The following DPM2 variants were observed in gnomAD, a reference collection of about 807,000 sequenced individuals.
DPM2 encodes dolichyl-phosphate mannosyltransferase subunit 2, regulatory, also known as dolichol phosphate-mannose biosynthesis regulatory protein.
DPM2 carries 8 observed loss-of-function variants against 12.1 expected under a neutral mutation model. The ratio of observed to expected loss-of-function variants is 0.66; its 90% confidence interval spans 0.39 to 1.19. DPM2 has a LOEUF of 1.19. Ranked by LOEUF, DPM2 falls within the 50% of genes most tolerant of loss-of-function variation. DPM2 has a pLI of 0.01. For missense variants in DPM2, 93 were observed against 102.5 expected (o/e 0.91, Z 0.40); for synonymous variants, 38 against 44.7 (o/e 0.85, Z 0.60).
In DPM2 at chr9:127,935,608, C is replaced by T; in HGVS notation, c.*114G>A. 1.9e-6 allele frequency: 2 copies of T among 1,066,888 alleles called. No homozygotes were observed. The highest frequency in any genetic ancestry group is 2.8e-6 in the Non-Finnish European group (2 of 708,778). 66.1% of individuals were successfully genotyped at this position (1,066,888 alleles called of 1,614,324 possible). On this transcript the variant is annotated 3_prime_UTR_variant, in exon 4 of 4. Transcript: ENST00000314392. ...TCCATGCCATGGGGACTCTGCAGGACAGGCAGGCTTGAGGAGCCACTGTGC... is the reference window on the plus strand; with the variant it reads ...TCCATGCCATGGGGACTCTGCAGGATAGGCAGGCTTGAGGAGCCACTGTGC...
intron 1 of DPM2, 113 bp from the exon 2 acceptor site, chr9:127,937,636 G>T: frequency 8.2e-7 from 1 of 1,220,084 alleles, no homozygotes; most frequent in Non-Finnish European, 1.2e-6. Flanking sequence ...ACAGATGGTA[G>T]AGGGCTGACT....
rs117545380 is a variant in DPM2 at position 127,936,155 on chromosome 9, C to T, written c.197-375G>A. 8,628 of 899,208 alleles carry T rather than the reference C, an allele frequency of 9.6e-3. 61 individuals are homozygous for T. The highest frequency in any genetic ancestry group is 0.012 in the Non-Finnish European group (7,488 of 616,702). 55.7% of individuals were successfully genotyped at this position (899,208 alleles called of 1,614,324 possible). On this transcript the variant is annotated intron_variant, in intron 3 of 3. Coordinates refer to ENST00000314392, the MANE Select transcript of DPM2 (RefSeq NM_003863.4). ...CATCATCCAGGCACCCGGCTGTTGA[C>T]TGACTCATCCAAATGACTTTCTGAG... is the stretch of plus-strand genomic sequence containing the variant.
chr9:127,936,830 TTATTGGTATTTACCGGGCACTTGCTTTGG>T (rs1831513997), intron 2 of DPM2, 175 bp from the exon 3 acceptor site: 1 of 543,376 alleles, frequency 1.8e-6, no homozygotes, highest in Non-Finnish European at 2.9e-6. Flanking sequence ...CCTTAATTTC[TTATTGGTATTTACCGGGCACTTGCTTTGG>T]TGCCTGCTAT....
chr9:127,936,648 A>C lies in DPM2; in HGVS notation c.101T>G (p.Ile34Ser). The C allele has an allele frequency of 6.7e-7, 1 of 1,498,750 alleles. No homozygotes were observed. The highest frequency in any genetic ancestry group is 8.9e-7 in the Non-Finnish European group (1 of 1,123,646). 92.8% of individuals were successfully genotyped at this position (1,498,750 alleles called of 1,614,324 possible). ...YTAWVILLPF[I>S]DSQHVIHKYF... ...CTTGTGGATGACATGCTGACTGTCG[A>C]TGAATGGCTGGCATCGAGGGAAGAG... Residue 34 changes from isoleucine to serine, a missense_variant, in exon 3 of 4, where the codon ATC (isoleucine) becomes AGC (serine). Transcript: ENST00000314392.
At chr9:127,937,617 TC>T in intron 1 of DPM2, 94 bp from the exon 2 acceptor site, 2 of 1,278,166 alleles carry the variant, frequency 1.6e-6, no homozygotes, top group Non-Finnish European at 2.2e-6. Flanking sequence ...GGTCTAAGCT[TC>T]CCATTCAACA....
At chr9:127,937,361 A>G (rs1831523804) in intron 2 of DPM2, 73 bp downstream of exon 2, 2 of 1,171,860 alleles carry the variant, frequency 1.7e-6, no homozygotes, top group East Asian at 2.4e-5. Context: ...CCGTGCCTAG[A>G]GCCTATATAG....
intron 2 of DPM2, chr9:127,937,011 A>C: frequency 3.5e-6 from 1 of 287,362 alleles, no homozygotes; most frequent in East Asian, 6.1e-5. Context: ...TTTTTCTCTA[A>C]AGGATACCAA....
Position 127,936,140 on chromosome 9 carries a change from G to A in DPM2, c.197-360C>T, listed in dbSNP as rs79583590. ...ACCCATCCATCCACCCATCATCCAG[G>A]CACCCGGCTGTTGACTGACTCATCC... is the stretch of plus-strand genomic sequence containing the variant. On this transcript the variant is annotated intron_variant, in intron 3 of 3. Coordinates refer to ENST00000314392, the MANE Select transcript of DPM2 (RefSeq NM_003863.4). 4.8e-3 allele frequency: 3,743 copies of A among 774,584 alleles called. 188 individuals are homozygous for A. In the East Asian group the frequency reaches 0.089, roughly 18 times the overall value. 48.0% of individuals were successfully genotyped at this position (774,584 alleles called of 1,614,324 possible).
chr9:127,935,630 G>C lies in DPM2; in HGVS notation c.*92C>G. 1 of 1,350,628 alleles carries C rather than the reference G, an allele frequency of 7.4e-7. No individual in the cohort carries two copies. Among genetic ancestry groups the C allele is most frequent in the Non-Finnish European group, 1.0e-6 (1 of 957,352 alleles). 83.7% of individuals were successfully genotyped at this position (1,350,628 alleles called of 1,614,324 possible). A position where few individuals can be genotyped will look rare whatever the true frequency, so the allele number is the denominator to read the frequency against. On this transcript the variant is annotated 3_prime_UTR_variant, in exon 4 of 4. Transcript: ENST00000314392. ...GGACAGGCAGGCTTGAGGAGCCACT[G>C]TGCCTGGACAGGTTCTGCAGGCTCC...
intron 3 of DPM2, chr9:127,936,120 T>C (rs1831500688): frequency 2.4e-5 from 14 of 578,372 alleles, no homozygotes; most frequent in South Asian, 1.1e-4. Context: ...CACCCACCCA[T>C]CCATCCACCC....
In DPM2 at chr9:127,937,469, T is replaced by G; in HGVS notation, c.58A>C (p.Ile20Leu). The stretch of plus-strand genomic sequence containing the variant: ...ACCCAGGCGGTGTAGTAGGTGAAGA[T>G]GATCAGGCTAACGGCGACGAGGCCG... ...GLGLVAVSLI[I>L]FTYYTAWVIL... The change falls in exon 2 of 4, where the codon ATC (isoleucine) becomes CTC (leucine). Residue 20 changes from isoleucine (I) to leucine (L), a missense_variant. Ile to Leu is a conservative substitution (Grantham distance 5). Coordinates refer to ENST00000314392, the MANE Select transcript of DPM2 (RefSeq NM_003863.4). 6.2e-7 allele frequency: 1 copy of G among 1,613,872 alleles called. No individual in the cohort carries two copies. The highest frequency in any genetic ancestry group is 8.5e-7 in the Non-Finnish European group (1 of 1,179,868).
In DPM2 at chr9:127,935,293, G is replaced by T; in HGVS notation, c.*429C>A. On this transcript the variant is annotated 3_prime_UTR_variant, in exon 4 of 4. Transcript: ENST00000314392. ...AGAAGGCTTTGTGGGGTCTGGGGCT[G>T]TGTCAGGGTAAGGAAAGCTGCCTTG... is the stretch of plus-strand genomic sequence containing the variant. 3.7e-6 allele frequency: 1 copy of T among 270,432 alleles called. No homozygotes were observed. The highest frequency in any genetic ancestry group is 3.6e-5 in the South Asian group (1 of 28,088). 16.8% of individuals were successfully genotyped at this position (270,432 alleles called of 1,614,324 possible).
chr9:127,936,131 A>C, intron 3 of DPM2: 1 of 696,988 alleles, frequency 1.4e-6, no homozygotes, highest in Non-Finnish European at 2.3e-6. Context: ...CCATCCACCC[A>C]TCATCCAGGC....
intron 3 of DPM2, chr9:127,936,109 C>T: frequency 1.6e-6 from 1 of 638,064 alleles, no homozygotes; most frequent in Non-Finnish European, 2.6e-6. Context: ...TACACCTCAC[C>T]CACCCACCCA....
At chr9:127,936,352 C>G (rs368504054) in intron 3 of DPM2, 2 of 1,518,344 alleles carry the variant, frequency 1.3e-6, no homozygotes, top group African/African-American at 1.4e-5. Context: ...AAGAGGTAGA[C>G]AGGTCATTGG....
At position 127,935,699 on chromosome 9, in the gene DPM2, G is replaced by A. The variant is rs763370572; in HGVS notation, c.*23C>T. On this transcript the variant is annotated 3_prime_UTR_variant, in exon 4 of 4. Coordinates refer to ENST00000314392, the MANE Select transcript of DPM2 (RefSeq NM_003863.4). ...TGGAGGGGAAGCAGAGAAGGGGCTG[G>A]CAGCCTCATCCCTGCGGGACCTTCA... 15 of 1,612,442 alleles carry A rather than the reference G, an allele frequency of 9.3e-6. No homozygotes were observed. The highest frequency in any genetic ancestry group is 1.7e-6 in the Non-Finnish European group (2 of 1,178,926).
Position 127,936,601 on chromosome 9 carries a change from C to T in DPM2, c.148G>A (p.Ala50Thr). The T allele has an allele frequency of 2.6e-6, 4 of 1,544,484 alleles. No homozygotes were observed. Among genetic ancestry groups the T allele is most frequent in the Non-Finnish European group, 2.6e-6 (3 of 1,143,798 alleles). Reference protein sequence around the residue: ...IHKYFLPRAYAVAIPLAAGLL... With the variant: ...IHKYFLPRAYTVAIPLAAGLL... ...CCTGCAGCCAGTGGGATGGCGACAGCATAGGCTCGGGGCAGGAAATACTTG... is the reference window on the plus strand; with the variant it reads ...CCTGCAGCCAGTGGGATGGCGACAGTATAGGCTCGGGGCAGGAAATACTTG... The change falls in exon 3 of 4, where the codon GCT (alanine) becomes ACT (threonine). Residue 50 changes from alanine (A) to threonine (T), a missense_variant. Coordinates refer to ENST00000314392, the MANE Select transcript of DPM2 (RefSeq NM_003863.4).
At chr9:127,937,736 A>C in intron 1 of DPM2, 82 bp downstream of exon 1, 1 of 1,564,028 alleles carries the variant, frequency 6.4e-7, no homozygotes, top group Admixed American at 1.7e-5. Context: ...CCCCGTTCCA[A>C]GTGCCCATGC....
intron 3 of DPM2, chr9:127,936,182 A>G (rs1831501480): frequency 1.7e-6 from 2 of 1,143,414 alleles, no homozygotes; most frequent in African/African-American, 3.1e-5. Context: ...CTTTCTGAGC[A>G]CAGCCTCAGT....
Sources: gnomAD v4.1 joint callset for allele counts on GRCh38, gnomAD v4.1.1 for gene constraint, MANE v1.5 for transcripts, NCBI Gene and HGNC (gene_info 2026-07-23, HGNC 2026-07-21) for gene names.